The following MEI4 variants were observed in gnomAD, a reference collection of about 807,000 sequenced individuals.
MEI4 encodes the protein meiotic double-stranded break formation protein 4.
MEI4 carries 27 observed loss-of-function variants against 31.4 expected under a neutral mutation model. That is an observed-to-expected ratio of 0.86 (90% CI 0.63 to 1.19). The LOEUF (loss-of-function observed/expected upper bound fraction) is 1.19, where lower values mean the gene tolerates loss of function less well. MEI4 is among the 50% of genes most tolerant of loss of function. MEI4 has a pLI of 0.00. For missense variants in MEI4, 329 were observed against 398.9 expected (o/e 0.82, Z 1.49); for synonymous variants, 122 against 145.4 (o/e 0.84, Z 1.16).
intron 4 of MEI4, among the ~76,000 whole-genome samples, chr6:77,919,129 A>T (rs1308424907): frequency 6.6e-6 from 1 of 152,062 alleles, no homozygotes; most frequent in East Asian, 1.9e-4. Context: ...AATTGAACTC[A>T]GTTCTGCACC....
At chr6:77,840,465 A>G (rs1462148105) in intron 4 of MEI4, among the ~76,000 whole-genome samples, 1 of 152,196 alleles carries the variant, frequency 6.6e-6, no homozygotes, top group African/African-American at 2.4e-5. Context: ...AGGCTTTACA[A>G]ATTTGGAGAA....
At chr6:77,750,015 C>T (rs188124543) in intron 2 of MEI4, among the ~76,000 whole-genome samples, 15 of 152,282 alleles carry the variant, frequency 9.9e-5, no homozygotes, top group Admixed American at 9.2e-4. Context: ...TATCCAGCCA[C>T]ACTGAGCTTC....
At chr6:77,869,796 G>T (rs1771148700) in intron 4 of MEI4, among the ~76,000 whole-genome samples, 1 of 152,152 alleles carries the variant, frequency 6.6e-6, no homozygotes, top group Non-Finnish European at 1.5e-5. Context: ...AGAATATCAG[G>T]AAGAAGGGGA....
chr6:77,671,432 A>T (rs771401802), intron 1 of MEI4, among the ~76,000 whole-genome samples: 2 of 152,134 alleles, frequency 1.3e-5, no homozygotes, highest in Non-Finnish European at 2.9e-5. Flanking sequence ...TTGTTTGCTG[A>T]CAAAGTGGTT....
chr6:77,913,067 A>T (rs1766466488), intron 4 of MEI4, among the ~76,000 whole-genome samples: 1 of 152,134 alleles, frequency 6.6e-6, no homozygotes, highest in South Asian at 2.1e-4. Flanking sequence ...TATTGAGATG[A>T]TCACATGGGT....
At chr6:77,777,620 C>T (rs1768486271) in intron 3 of MEI4, among the ~76,000 whole-genome samples, 1 of 152,148 alleles carries the variant, frequency 6.6e-6, no homozygotes, top group African/African-American at 2.4e-5. Flanking sequence ...GCTTACAGTG[C>T]ACAAGCCTCA....
intron 2 of MEI4, among the ~76,000 whole-genome samples, chr6:77,745,742 T>G (rs1767580641): frequency 1.3e-5 from 2 of 152,062 alleles, no homozygotes; most frequent in African/African-American, 4.8e-5. Context: ...TCAGCAAATG[T>G]AAAAGAACAG....
chr6:77,891,198 A>G (rs1175196303), intron 4 of MEI4, among the ~76,000 whole-genome samples: 1 of 152,072 alleles, frequency 6.6e-6, no homozygotes, highest in Non-Finnish European at 1.5e-5. Context: ...AGACTTGGGA[A>G]GTTTTCTGCT....
intron 3 of MEI4, among the ~76,000 whole-genome samples, chr6:77,806,459 A>C (rs1769444169): frequency 6.6e-6 from 1 of 152,170 alleles, no homozygotes; most frequent in Non-Finnish European, 1.5e-5. Flanking sequence ...ATAGAAATTT[A>C]TATAACAGGT....
intron 4 of MEI4, among the ~76,000 whole-genome samples, chr6:77,907,690 C>A (rs1766330234): frequency 6.6e-6 from 1 of 152,076 alleles, no homozygotes; most frequent in Non-Finnish European, 1.5e-5. Context: ...ATTTCTAGTT[C>A]TAGATCCCTG....
intron 3 of MEI4, among the ~76,000 whole-genome samples, chr6:77,794,552 A>G (rs1373491085): frequency 2.0e-5 from 3 of 152,108 alleles, no homozygotes; most frequent in Non-Finnish European, 2.9e-5. Context: ...ACAGAGTGAG[A>G]CTCTGTCTCA....
intron 2 of MEI4, among the ~76,000 whole-genome samples, chr6:77,746,722 GT>G (rs1260807999): frequency 6.6e-6 from 1 of 151,294 alleles, no homozygotes; most frequent in Non-Finnish European, 1.5e-5. Context: ...CCTAATAAAG[GT>G]GTCAAAGTTA....
intron 3 of MEI4, among the ~76,000 whole-genome samples, chr6:77,785,514 C>T (rs1429277087): frequency 1.3e-5 from 2 of 152,164 alleles, no homozygotes; most frequent in African/African-American, 4.8e-5. Flanking sequence ...AGACATTTCT[C>T]ATATCTCACT....
rs778426799 is a variant in MEI4 at position 77,765,265 on chromosome 6, C to G, written c.768+3600C>G. 8.4e-4 allele frequency among the ~76,000 whole-genome samples: 125 copies of G among 149,496 alleles called. 1 individual carries two copies. The highest frequency in any genetic ancestry group is 2.1e-3 in the Admixed American group (32 of 15,142). ...TGAGGAAGTGATTATATCTTATTTT[C>G]TCCACTATGCCCAAGACAATGTTGA... On this transcript the variant is annotated intron_variant, in intron 3 of 4. Coordinates refer to ENST00000684080, the MANE Select transcript of MEI4 (RefSeq NM_001322247.2).
intron 3 of MEI4, among the ~76,000 whole-genome samples, chr6:77,812,279 A>G (rs1769590979): frequency 6.6e-6 from 1 of 152,162 alleles, no homozygotes; most frequent in Non-Finnish European, 1.5e-5. Context: ...TTAATGATCA[A>G]AAATTTGAAT....
chr6:77,897,530 C>T (rs1408102980), intron 4 of MEI4, among the ~76,000 whole-genome samples: 6 of 151,688 alleles, frequency 4.0e-5, no homozygotes, highest in Non-Finnish European at 8.8e-5. Context: ...ATATATATAT[C>T]TTTCACAAAT....
chr6:77,744,862 C>G (rs998755288), intron 2 of MEI4, among the ~76,000 whole-genome samples: 4 of 152,090 alleles, frequency 2.6e-5, no homozygotes, highest in Non-Finnish European at 4.4e-5. Context: ...TCATATCCAG[C>G]CAAACTAAGC....
At chr6:77,702,043 T>C (rs1413080224) in intron 2 of MEI4, among the ~76,000 whole-genome samples, 1 of 152,170 alleles carries the variant, frequency 6.6e-6, no homozygotes, top group Non-Finnish European at 1.5e-5. Flanking sequence ...AGTTCTTGCT[T>C]TCTCATCTTG....
At chr6:77,736,153 G>C (rs2127670621) in intron 2 of MEI4, among the ~76,000 whole-genome samples, 1 of 152,164 alleles carries the variant, frequency 6.6e-6, no homozygotes, top group South Asian at 2.1e-4. Flanking sequence ...GAGCTGTTGT[G>C]GGCTCCACCG....
Sources: gnomAD v4.1 joint callset for allele counts (sites outside exome capture counted in the v4.1 genomes callset) on GRCh38, gnomAD v4.1.1 for gene constraint, MANE v1.5 for transcripts, NCBI Gene and HGNC (gene_info 2026-07-23, HGNC 2026-07-21) for gene names.